The following MTOR variants were observed in gnomAD, a reference collection of about 807,000 sequenced individuals.
MTOR encodes the protein mechanistic target of rapamycin kinase.
MTOR carries 70 observed loss-of-function variants against 319.8 expected under a neutral mutation model. The ratio of observed to expected loss-of-function variants is 0.22; its 90% CI spans 0.18 to 0.27. The LOEUF (loss-of-function observed/expected upper bound fraction) is 0.27, where lower values mean the gene tolerates loss of function less well. Among genes scored for constraint, MTOR ranks in the 10% least tolerant of loss-of-function variants. The pLI is 1.00. For missense variants in MTOR, 1,890 were observed against 3,274.4 expected (o/e 0.58, Z 10.32); for synonymous variants, 1,183 against 1,211.4 (o/e 0.98, Z 0.49).
At position 11,248,150 on chromosome 1, in the gene MTOR, G is replaced by A; in HGVS notation, c.841-56C>T. ...TTACTTATGACTGGCATTCAAACTG[G>A]GCACTGTGGATTCTACAGACAATTA... On this transcript the variant is annotated intron_variant, in intron 6 of 57. Transcript: ENST00000361445. The A allele has an allele frequency of 4.6e-6, 7 of 1,507,100 alleles. No individual in the cohort carries two copies. The South Asian group carries it at 9.0e-5, about 19-fold the overall frequency. 93.4% of individuals were successfully genotyped at this position (1,507,100 alleles called of 1,614,324 possible).
In MTOR at chr1:11,115,500, A is replaced by C; in HGVS notation, c.7017-32T>G. ...GAAACAGAAGACAGATCAGGGAGGG[A>C]TCAACAGAGATAACGGATGAAAAAA... On this transcript the variant is annotated intron_variant, in intron 50 of 57. Transcript: ENST00000361445. The surrounding 1 kb of genome is among the most constrained non-coding windows in gnomAD (Gnocchi z 4.5). 2 of 1,594,598 alleles carry C rather than the reference A, an allele frequency of 1.3e-6. No homozygotes were observed. Among genetic ancestry groups the C allele is most frequent in the Non-Finnish European group, 1.7e-6 (2 of 1,162,252 alleles).
intron 30 of MTOR, 136 bp from the exon 31 acceptor site, chr1:11,150,362 CACA>C: frequency 1.5e-6 from 1 of 647,310 alleles, no homozygotes; most frequent in Non-Finnish European, 2.6e-6. Context: ...TCTACTAGGT[CACA>C]TAATAGAGAA....
chr1:11,120,464 G>C (rs1026822875), intron 49 of MTOR, among the ~76,000 whole-genome samples: 7 of 151,984 alleles, frequency 4.6e-5, no homozygotes, highest in Non-Finnish European at 7.4e-5. Flanking sequence ...CTTGAACCCA[G>C]GGGGCAGAGG....
intron 52 of MTOR, 113 bp downstream of exon 52, chr1:11,114,700 C>A (rs1642071671): frequency 8.4e-7 from 1 of 1,191,006 alleles, no homozygotes; most frequent in Non-Finnish European, 1.2e-6. Flanking sequence ...AAAACTGCTA[C>A]AAAAATCACA....
At chr1:11,173,863 A>AT (rs992748588) in intron 28 of MTOR, among the ~76,000 whole-genome samples, 1 of 152,030 alleles carries the variant, frequency 6.6e-6, no homozygotes, top group African/African-American at 2.4e-5. Context: ...TGGGATCTTA[A>AT]TTTTTTCTTC....
chr1:11,145,215 GTAT>G (rs1643892999), intron 32 of MTOR, 170 bp from the exon 33 acceptor site: 1 of 613,796 alleles, frequency 1.6e-6, no homozygotes, highest in African/African-American at 1.8e-5. Context: ...TTGAGAGGAG[GTAT>G]TATCCAATTT....
At position 11,150,164 on chromosome 1, in the gene MTOR, T is replaced by C; in HGVS notation, c.4532A>G (p.Lys1511Arg). 1 of 1,614,088 alleles carries C rather than the reference T, an allele frequency of 6.2e-7. No individual in the cohort carries two copies. Among genetic ancestry groups the C allele is most frequent in the Non-Finnish European group, 8.5e-7 (1 of 1,180,002 alleles). The change falls in exon 31 of 58, where the codon AAG becomes AGG. Residue 1511 changes from lysine (K) to arginine (R), a missense_variant. This residue lies in a region of MTOR where 276 missense variants were observed against 459.4 expected (regional missense o/e 0.60). Transcript: ENST00000361445. ...WTLVNDETQAKMARMAAAAAW... is the reference protein window; with the variant it reads ...WTLVNDETQARMARMAAAAAW... ...AGCTGCAGCAGCCATCCGGGCCATC[T>C]TGGCTTGGGTCTCATCATTAACCAG...
At chr1:11,112,983 T>C (rs1641974072) in intron 53 of MTOR, 66 bp from the exon 54 acceptor site, 12 of 1,482,350 alleles carry the variant, frequency 8.1e-6, no homozygotes, top group Non-Finnish European at 1.1e-5. Flanking sequence ...ACTTGGTTAT[T>C]TTCTTCCAGT....
rs2100432293 is a variant in MTOR, at chr1:11,130,698, T to C, written c.5444A>G (p.Lys1815Arg). ...KHQNQARDEK[K>R]KLRHASGANI... ...GGCCCCGCTGGCATGACGCAGTTTC[T>C]TCTTCTCATCGCGGGCTTGGTTCTG... The change falls in exon 39 of 58, where the codon AAG becomes AGG. Residue 1815 changes from lysine to arginine, a missense_variant. By Grantham distance (26) the Lys-to-Arg change is conservative (BLOSUM62 2). Transcript: ENST00000361445. 2 of 1,608,260 alleles carry C rather than the reference T, an allele frequency of 1.2e-6. No individual in the cohort carries two copies. The highest frequency in any genetic ancestry group is 1.7e-6 in the Non-Finnish European group (2 of 1,177,634).
intron 28 of MTOR, among the ~76,000 whole-genome samples, chr1:11,183,709 T>C (rs1645228170): frequency 6.6e-6 from 1 of 152,240 alleles, no homozygotes; most frequent in Admixed American, 6.5e-5. Context: ...ATAAATTTTA[T>C]TGTTTTACTG....
At chr1:11,189,733 C>A in intron 28 of MTOR, 1 of 1,614,178 alleles carries the variant, frequency 6.2e-7, no homozygotes, top group Non-Finnish European at 8.5e-7. Flanking sequence ...GGTGAAGGAG[C>A]TCAAGGCCCA....
At chr1:11,213,069 C>T (rs1646361547) in intron 21 of MTOR, among the ~76,000 whole-genome samples, 161 bp from the exon 22 acceptor site, 1 of 152,172 alleles carries the variant, frequency 6.6e-6, no homozygotes, top group Non-Finnish European at 1.5e-5. Context: ...CTTTCTTCCC[C>T]TCATTTTATT....
In MTOR at chr1:11,243,133, G is replaced by A; in HGVS notation, c.1393C>T (p.Pro465Ser). ...VLDIIRAALP[P>S]KDFAHKRQKA... ...GCTTACTTATGGGCGAAGTCCTTTG[G>A]GGGCAGGGCCGCTCGGATGATGTCC... Residue 465 changes from proline (P) to serine (S), a missense_variant, in exon 9 of 58, where the codon CCA (proline) becomes TCA (serine). Pro to Ser is a moderately conservative substitution (Grantham distance 74). Around this residue, in one of 15 missense-constraint regions of MTOR, gnomAD observed 418 missense variants for 543.1 expected, o/e 0.77. Coordinates refer to ENST00000361445, the MANE Select transcript of MTOR (RefSeq NM_004958.4). 4 of 1,614,102 alleles carry A rather than the reference G, an allele frequency of 2.5e-6. No individual in the cohort carries two copies. Among genetic ancestry groups the A allele is most frequent in the South Asian group, 1.1e-5 (1 of 91,074 alleles).
Position 11,172,646 on chromosome 1 carries a change from G to A in MTOR, c.4254-5129C>T, listed in dbSNP as rs139183062. Among the ~76,000 whole-genome samples the A allele has an allele frequency of 8.6e-3, 1,216 of 141,828 alleles. 20 individuals carry two copies. Among genetic ancestry groups the A allele is most frequent in the African/African-American group, 0.029 (1,115 of 38,372 alleles). 93.0% of individuals were successfully genotyped at this position (141,828 alleles called of 152,430 possible). ...AGCACTGTGGGAGGCCGAGGTGGGC[G>A]GATCACGAGGTCAGGAGTTCGAGAC... is the stretch of plus-strand genomic sequence containing the variant. On this transcript the variant is annotated intron_variant, in intron 28 of 57. Transcript: ENST00000361445.
chr1:11,213,659 T>A, intron 20 of MTOR, 93 bp from the exon 21 acceptor site: 1 of 1,242,990 alleles, frequency 8.0e-7, no homozygotes, highest in Non-Finnish European at 1.1e-6. Context: ...AGCAAAACTG[T>A]AGTGAGCATG....
In MTOR at chr1:11,167,303, G is replaced by T. The variant is rs17235598; in HGVS notation, c.4329+139C>A. 31,553 of 660,464 alleles carry T rather than the reference G, an allele frequency of 0.048. 1,247 individuals are homozygous for T. The highest frequency in any genetic ancestry group is 0.11 in the South Asian group (6,285 of 56,132). The allele number at this position is 660,464 out of a possible 1,614,324, so 40.9% of individuals were successfully genotyped here. ...AGACACAGTTTATCTCTTTCATCCT[G>T]AAGACTGGTAAGTCAGCATCAGACT... On this transcript the variant is annotated intron_variant, in intron 29 of 57. Coordinates refer to ENST00000361445, the MANE Select transcript of MTOR (RefSeq NM_004958.4).
rs781012804 is a variant in MTOR at position 11,231,306 on chromosome 1, G to A, written c.2643C>T (p.Arg881=). Reference sequence around the variant, plus strand: ...AGTTTGCCACGTCCCCTACCTCTCTGCGTGTACCCTGGTTCTGCTCAGTCT... The same window carrying A: ...AGTTTGCCACGTCCCCTACCTCTCTACGTGTACCCTGGTTCTGCTCAGTCT... The part of the protein sequence containing the change: ...FLKTEQNQGT[R]REAIRVLGLL... The change falls in exon 17 of 58, where the codon CGC becomes CGT. Residue 881 remains arginine (R), a synonymous_variant. Transcript: ENST00000361445. 19 of 1,613,870 alleles carry A rather than the reference G, an allele frequency of 1.2e-5. No homozygotes were observed. The highest frequency in any genetic ancestry group is 1.4e-5 in the Non-Finnish European group (17 of 1,179,980).
At chr1:11,120,763 A>G (rs1472832233) in intron 49 of MTOR, among the ~76,000 whole-genome samples, 1 of 152,194 alleles carries the variant, frequency 6.6e-6, no homozygotes, top group Non-Finnish European at 1.5e-5. Flanking sequence ...TGTGAATGTT[A>G]TACAATGTAA....
At chr1:11,189,963 G>A (rs1035869344) in intron 28 of MTOR, 1 of 1,599,648 alleles carries the variant, frequency 6.3e-7, no homozygotes, top group Non-Finnish European at 8.5e-7. Flanking sequence ...CAGGTAAGGA[G>A]ACCAGTCCCC....
Sources: allele counts gnomAD v4.1 joint callset (sites outside exome capture counted in the v4.1 genomes callset), GRCh38; gene constraint gnomAD v4.1.1; regional missense constraint gnomAD v4.1.1; non-coding constraint Gnocchi (gnomAD v3.1); transcripts MANE v1.5; gene names NCBI Gene and HGNC (gene_info 2026-07-23, HGNC 2026-07-21).